The following CTDSPL2 variants were observed in gnomAD, a reference collection of about 807,000 sequenced individuals.
CTDSPL2 encodes CTD small phosphatase-like protein 2.
In CTDSPL2, 5 loss-of-function variants were observed where a neutral mutation model predicts 60.0. The ratio of observed to expected loss-of-function variants is 0.08; its 90% CI spans 0.04 to 0.18. The LOEUF is 0.18. CTDSPL2 is among the 10% of genes least tolerant of loss of function. The pLI is 1.00. For synonymous variants in CTDSPL2, 186 were observed against 189.3 expected, an observed-to-expected ratio of 0.98 and a Z score of 0.14; for missense variants, 370 against 548.8, an observed-to-expected ratio of 0.67 and a Z score of 3.26.
intron 3 of CTDSPL2, 125 bp downstream of exon 3, chr15:44,484,487 C>A: frequency 1.1e-6 from 1 of 925,026 alleles, no homozygotes; most frequent in Non-Finnish European, 1.6e-6. Flanking sequence ...GTAATCCTCA[C>A]ATTTTGGGAG....
At chr15:44,447,795 TC>T (rs1157416567) in intron 1 of CTDSPL2, 1 of 152,844 alleles carries the variant, frequency 6.5e-6, no homozygotes, top group African/African-American at 2.4e-5. Context: ...TGGTAGGCTT[TC>T]CTGGCCACCG....
intron 1 of CTDSPL2, among the ~76,000 whole-genome samples, chr15:44,457,696 C>T (rs907549216): frequency 1.3e-5 from 2 of 152,152 alleles, no homozygotes; most frequent in Admixed American, 6.6e-5. Context: ...AATGCAACCT[C>T]CGCCTCCCGG....
chr15:44,484,199 G>GTT lies in CTDSPL2; in HGVS notation c.187-17_187-16dup. On this transcript the variant is annotated intron_variant, in intron 2 of 12. Transcript: ENST00000260327. ...AAGGCAGAATGATTGTGCTTAGTGT[G>GTT]TTTTTTTTTCTCTTATATCTTAAGG... 8 of 1,530,442 alleles carry GTT rather than the reference G, an allele frequency of 5.2e-6. No individual in the cohort carries two copies. In the Admixed American group the frequency reaches 5.9e-5, roughly 11 times the overall value. The allele number at this position is 1,530,442 out of a possible 1,614,324, so 94.8% of individuals were successfully genotyped here.
chr15:44,516,300 C>A (rs1319233002), intron 10 of CTDSPL2, among the ~76,000 whole-genome samples: 2 of 152,072 alleles, frequency 1.3e-5, no homozygotes, highest in Non-Finnish European at 2.9e-5. Context: ...AATACTTTTC[C>A]CATGTTGTCT....
intron 1 of CTDSPL2, among the ~76,000 whole-genome samples, chr15:44,438,224 A>G (rs1343850084): frequency 2.0e-5 from 3 of 151,662 alleles, no homozygotes. Context: ...AGATCGCGCC[A>G]CTGCGCTCCA....
intron 8 of CTDSPL2, among the ~76,000 whole-genome samples, chr15:44,511,682 A>G (rs2081567565): frequency 6.6e-6 from 1 of 152,056 alleles, no homozygotes; most frequent in African/African-American, 2.4e-5. Flanking sequence ...CAGCCTGGTC[A>G]ACACGGTGAA....
intron 2 of CTDSPL2, among the ~76,000 whole-genome samples, chr15:44,479,407 C>CTTTTTTT (rs11414036): frequency 1.3e-4 from 13 of 97,890 alleles, no homozygotes; most frequent in South Asian, 3.6e-4. Flanking sequence ...ATTTTCTTTC[C>CTTTTTTT]TTTTTTTTTT....
At chr15:44,450,713 C>G (rs564325465) in intron 1 of CTDSPL2, among the ~76,000 whole-genome samples, 2 of 149,632 alleles carry the variant, frequency 1.3e-5, no homozygotes, top group Non-Finnish European at 1.5e-5. Context: ...TCTCCTGCCT[C>G]AGCCTCCAAG....
chr15:44,483,863 T>C (rs769829070), intron 2 of CTDSPL2, among the ~76,000 whole-genome samples: 6 of 152,144 alleles, frequency 3.9e-5, no homozygotes, highest in Non-Finnish European at 7.4e-5. Flanking sequence ...CTACCCTGAG[T>C]TGCTTAAGGA....
chr15:44,458,571 C>A (rs1364246138), intron 1 of CTDSPL2, among the ~76,000 whole-genome samples: 1 of 152,174 alleles, frequency 6.6e-6, no homozygotes, highest in Non-Finnish European at 1.5e-5. Context: ...AAAAGCAAAA[C>A]CTTTCCTTAT....
At chr15:44,448,131 G>A in intron 1 of CTDSPL2, 1 of 256,762 alleles carries the variant, frequency 3.9e-6, no homozygotes, top group Admixed American at 4.3e-5. Context: ...CAGGAACCAT[G>A]CACTCCACAC....
rs2081618227 is a variant in CTDSPL2 at position 44,514,548 on chromosome 15, G to T, written c.970-50G>T. ...ATACAGCACATCTTAAAAAGAAGTG[G>T]TTTCCCATTGTATGTTTATTTGCTG... On this transcript the variant is annotated intron_variant, in intron 8 of 12. Transcript: ENST00000260327. The T allele has an allele frequency of 3.7e-6, 4 of 1,076,740 alleles. No homozygotes were observed. In the African/African-American group the frequency reaches 4.7e-5, roughly 13 times the overall value. 66.7% of individuals were successfully genotyped at this position (1,076,740 alleles called of 1,614,324 possible).
rs748643122 is a variant in CTDSPL2 at position 44,490,924 on chromosome 15, C to A, written c.616C>A (p.Gln206Lys). 6.2e-7 allele frequency: 1 copy of A among 1,614,080 alleles called. No homozygotes were observed. The highest frequency in any genetic ancestry group is 1.1e-5 in the South Asian group (1 of 91,064). The change falls in exon 5 of 13, where the codon CAA becomes AAA. Residue 206 changes from glutamine to lysine, a missense_variant. Coordinates refer to ENST00000260327, the MANE Select transcript of CTDSPL2 (RefSeq NM_016396.3). ...NGAAYSNQAV[Q>K]VRPSLNNGLE... ...AGCAGCTTACTCAAATCAAGCAGTTCAAGTGAGACCATCACTAAACAATGG... is the reference window on the plus strand; with the variant it reads ...AGCAGCTTACTCAAATCAAGCAGTTAAAGTGAGACCATCACTAAACAATGG...
At chr15:44,434,627 C>A (rs2079935838) in intron 1 of CTDSPL2, among the ~76,000 whole-genome samples, 1 of 152,190 alleles carries the variant, frequency 6.6e-6, no homozygotes, top group South Asian at 2.1e-4. Flanking sequence ...CTCTTAGTCT[C>A]AAGTGACCTC....
rs562541301 is a variant in CTDSPL2 at position 44,515,986 on chromosome 15, C to CTT, written c.1112+1156_1112+1157dup. Among the ~76,000 whole-genome samples, 1,171 of 132,948 alleles carry CTT rather than the reference C, an allele frequency of 8.8e-3. 20 individuals are homozygous for CTT. Among genetic ancestry groups the CTT allele is most frequent in the African/African-American group, 0.031 (1,113 of 35,912 alleles). The allele number at this position is 132,948 out of a possible 152,430, so 87.2% of individuals were successfully genotyped here. ...TTTCTCTATTTCTTTCTTTCTTTTT[C>CTT]TTTTTTTTTTTTTTTGAGGCGGATT... On this transcript the variant is annotated intron_variant, in intron 10 of 12. Transcript: ENST00000260327.
chr15:44,433,528 G>T (rs1183998736), intron 1 of CTDSPL2, among the ~76,000 whole-genome samples: 1 of 151,564 alleles, frequency 6.6e-6, no homozygotes, highest in Non-Finnish European at 1.5e-5. Context: ...TGTTGCCCGG[G>T]CTGGAGTGCA....
At chr15:44,478,067 G>C (rs2080954428) in intron 2 of CTDSPL2, among the ~76,000 whole-genome samples, 1 of 152,000 alleles carries the variant, frequency 6.6e-6, no homozygotes, top group Admixed American at 6.6e-5. Flanking sequence ...AGTTCTACAG[G>C]TTCTCCATCT....
chr15:44,510,998 T>G (rs1286066767), intron 8 of CTDSPL2, among the ~76,000 whole-genome samples: 1 of 152,206 alleles, frequency 6.6e-6, no homozygotes, highest in African/African-American at 2.4e-5. Context: ...CTACTTCTGT[T>G]TCTGAGATTT....
chr15:44,503,181 C>T (rs1438929602), intron 8 of CTDSPL2, among the ~76,000 whole-genome samples: 2 of 151,972 alleles, frequency 1.3e-5, no homozygotes, highest in Admixed American at 1.3e-4. Flanking sequence ...GGCAAAATTA[C>T]AGGCTTTTTG....
Sources: gnomAD v4.1 joint callset for allele counts (sites outside exome capture counted in the v4.1 genomes callset) on GRCh38, gnomAD v4.1.1 for gene constraint, MANE v1.5 for transcripts, NCBI Gene and HGNC (gene_info 2026-07-23, HGNC 2026-07-21) for gene names.